RBFOX1: variants seen among roughly 807,000 people sequenced by gnomAD.
RBFOX1 encodes RNA binding protein fox-1 homolog 1.
Under a neutral mutation model 57.7 loss-of-function variants are expected in RBFOX1, and 8 were observed. The ratio of observed to expected loss-of-function variants is 0.14; its 90% CI spans 0.08 to 0.25. The LOEUF is 0.25. RBFOX1 is among the 10% of genes least tolerant of loss of function. The pLI, the probability that RBFOX1 is intolerant of heterozygous loss-of-function variation, is 1.00. For missense variants in RBFOX1, 611 were observed against 548.5 expected, an observed-to-expected ratio of 1.11 and a Z score of -1.14; for synonymous variants, 326 against 222.4, an observed-to-expected ratio of 1.47 and a Z score of -4.15.
At chr16:6,256,137 A>G (rs7188242) in intron 1 of RBFOX1, among the ~76,000 whole-genome samples, 9,259 of 50,270 alleles carry the variant, frequency 0.18, 1,766 homozygotes, top group South Asian at 0.37. Flanking sequence ...ATATATATAT[A>G]TGTGTGTATA....
intron 4 of RBFOX1, among the ~76,000 whole-genome samples, chr16:7,379,161 C>G (rs984606910): frequency 6.6e-6 from 1 of 152,150 alleles, no homozygotes; most frequent in South Asian, 2.1e-4. Context: ...TAGCAGTAAA[C>G]TCTCTTTCCT....
intron 3 of RBFOX1, among the ~76,000 whole-genome samples, chr16:6,740,509 C>T (rs935085714): frequency 6.6e-6 from 1 of 152,206 alleles, no homozygotes; most frequent in Non-Finnish European, 1.5e-5. Context: ...AAAACCCACA[C>T]ACATTTTGTG....
At chr16:7,353,511 G>T (rs1258306175) in intron 4 of RBFOX1, among the ~76,000 whole-genome samples, 4 of 152,166 alleles carry the variant, frequency 2.6e-5, no homozygotes, top group African/African-American at 9.7e-5. Flanking sequence ...GTGTGTACCA[G>T]TGTTTATAAT....
Position 5,540,135 on chromosome 16 carries a change from A to C in RBFOX1, c.259-58767A>C, listed in dbSNP as rs932032433. Among the ~76,000 whole-genome samples, 6 of 152,342 alleles carry C rather than the reference A, an allele frequency of 3.9e-5. 1 individual carries two copies. The Middle Eastern group carries it at 0.014, about 345-fold the overall frequency. The stretch of plus-strand genomic sequence containing the variant: ...GGGTGCTGAACAGAAAAACAAAGGA[A>C]GCCGAAGCCTTTTGCAAAATCAAAA... On this transcript the variant is annotated intron_variant, in intron 2 of 2. Transcript: ENST00000585867.
At chr16:7,308,812 C>T (rs569454812) in intron 4 of RBFOX1, among the ~76,000 whole-genome samples, 4 of 152,262 alleles carry the variant, frequency 2.6e-5, no homozygotes, top group Non-Finnish European at 5.9e-5. Flanking sequence ...GCACCAGCCA[C>T]GGTTATAAAT....
At chr16:5,534,361 G>T (rs1055924375) in intron 2 of RBFOX1, among the ~76,000 whole-genome samples, 4 of 152,192 alleles carry the variant, frequency 2.6e-5, no homozygotes, top group Non-Finnish European at 4.4e-5. Context: ...CCCAATAGCT[G>T]TCTTCAAGCT....
chr16:7,111,664 A>C (rs996884701), intron 4 of RBFOX1, among the ~76,000 whole-genome samples: 3 of 152,032 alleles, frequency 2.0e-5, no homozygotes, highest in African/African-American at 7.2e-5. Flanking sequence ...AATGGCTCAT[A>C]CCTGTGCCTT....
At chr16:7,369,538 G>A (rs1429836316) in intron 4 of RBFOX1, among the ~76,000 whole-genome samples, 1 of 152,156 alleles carries the variant, frequency 6.6e-6, no homozygotes, top group African/African-American at 2.4e-5. Context: ...GGTTCTAGCT[G>A]ATTAAAATGA....
At chr16:5,555,520 G>C (rs895640942) in intron 2 of RBFOX1, among the ~76,000 whole-genome samples, 1 of 151,928 alleles carries the variant, frequency 6.6e-6, no homozygotes, top group Non-Finnish European at 1.5e-5. Flanking sequence ...CAAAGTGCTG[G>C]GATTACAGGC....
chr16:5,628,822 C>A (rs1361715417), intron 3 of RBFOX1, among the ~76,000 whole-genome samples: 1 of 152,292 alleles, frequency 6.6e-6, no homozygotes, highest in Admixed American at 6.5e-5. Context: ...TCTCATGGCA[C>A]CCTTGTCTGT....
At chr16:6,494,981 T>G (rs908838796) in intron 2 of RBFOX1, among the ~76,000 whole-genome samples, 2 of 152,180 alleles carry the variant, frequency 1.3e-5, no homozygotes, top group African/African-American at 2.4e-5. Context: ...TTCTTACTTA[T>G]GGAGGAAACA....
At chr16:5,565,659 A>AATAC (rs1032612551) in intron 2 of RBFOX1, among the ~76,000 whole-genome samples, 2 of 151,398 alleles carry the variant, frequency 1.3e-5, no homozygotes, top group Non-Finnish European at 2.9e-5. Context: ...TAAATAAATA[A>AATAC]ATAAATAAAT....
chr16:6,106,642 A>G (rs1260953813), intron 1 of RBFOX1, among the ~76,000 whole-genome samples: 3 of 152,074 alleles, frequency 2.0e-5, no homozygotes, highest in Non-Finnish European at 4.4e-5. Context: ...GGAAGTATGC[A>G]TATCATAAGG....
At chr16:5,783,018 C>A (rs1015085526) in intron 3 of RBFOX1, among the ~76,000 whole-genome samples, 4 of 151,870 alleles carry the variant, frequency 2.6e-5, no homozygotes, top group South Asian at 4.2e-4. Context: ...TCTTTGCATC[C>A]CCCCAAACAC....
rs1010838867 is a variant in RBFOX1, at chr16:6,442,008, T to C, written c.-64+124951T>C. Among the ~76,000 whole-genome samples, 11 of 152,328 alleles carry C rather than the reference T, an allele frequency of 7.2e-5. No individual in the cohort carries two copies. In the East Asian group the frequency reaches 2.1e-3, roughly 29 times the overall value. Reference sequence around the variant, plus strand: ...GCCTGTGAGAGTCACTTTCTAAAGATTGCTCTGAGGAATTCATAGGCTTTG... The same window carrying C: ...GCCTGTGAGAGTCACTTTCTAAAGACTGCTCTGAGGAATTCATAGGCTTTG... On this transcript the variant is annotated intron_variant, in intron 2 of 15. Coordinates refer to ENST00000550418, the MANE Select transcript of RBFOX1 (RefSeq NM_018723.4).
intron 3 of RBFOX1, among the ~76,000 whole-genome samples, chr16:5,862,379 A>C (rs2057242117): frequency 6.6e-6 from 1 of 152,058 alleles, no homozygotes; most frequent in Non-Finnish European, 1.5e-5. Context: ...ATGGCACTTG[A>C]GGGAGGGGTG....
chr16:5,327,567 A>G (rs764160123), intron 1 of RBFOX1, among the ~76,000 whole-genome samples: 116 of 152,258 alleles, frequency 7.6e-4, no homozygotes, highest in Middle Eastern at 3.4e-3. Flanking sequence ...GCCCTCAGAG[A>G]GAAACGCCCC....
At chr16:7,261,454 G>C (rs1201167174) in intron 4 of RBFOX1, among the ~76,000 whole-genome samples, 1 of 152,148 alleles carries the variant, frequency 6.6e-6, no homozygotes, top group Non-Finnish European at 1.5e-5. Context: ...TTGGATGCTT[G>C]TTGAGTAAGT....
intron 1 of RBFOX1, among the ~76,000 whole-genome samples, chr16:6,222,968 G>A (rs1194980891): frequency 2.0e-5 from 3 of 151,278 alleles, no homozygotes; most frequent in Admixed American, 6.6e-5. Flanking sequence ...TGTTGTCCTT[G>A]CGATAGTTTA....
Sources: allele counts gnomAD v4.1 joint callset (sites outside exome capture counted in the v4.1 genomes callset), GRCh38; gene constraint gnomAD v4.1.1; transcripts MANE v1.5; gene names NCBI Gene and HGNC (gene_info 2026-07-23, HGNC 2026-07-21).